FLT1: variants seen among roughly 807,000 people sequenced by gnomAD.
The protein encoded by FLT1 is vascular endothelial growth factor receptor 1.
In FLT1, 49 loss-of-function variants were observed where a neutral mutation model predicts 156.3. The observed-to-expected ratio is 0.31, with a 90% CI of 0.25 to 0.40. FLT1 has a LOEUF of 0.40. Ranked by LOEUF, FLT1 falls within the 10% of genes least tolerant of loss-of-function variation. The probability of loss-of-function intolerance (pLI) is 1.00; values close to 1 mark genes in which losing one functional copy is unlikely to be tolerated. For synonymous variants in FLT1, 594 were observed against 583.8 expected (o/e 1.02, Z -0.25); for missense variants, 1,322 against 1,637.2 (o/e 0.81, Z 3.32).
intron 3 of FLT1, among the ~76,000 whole-genome samples, chr13:28,465,326 C>T (rs1179827216): frequency 6.6e-6 from 1 of 152,142 alleles, no homozygotes. Flanking sequence ...TAGTCCCTTA[C>T]AGTTATCTAC....
intron 3 of FLT1, among the ~76,000 whole-genome samples, chr13:28,461,592 C>G (rs775276425): frequency 2.6e-5 from 4 of 151,940 alleles, no homozygotes; most frequent in Non-Finnish European, 4.4e-5. Flanking sequence ...CCAGCCTGGG[C>G]GACAAAGCAA....
At chr13:28,434,367 A>T in intron 4 of FLT1, 147 bp from the exon 5 acceptor site, 1 of 735,030 alleles carries the variant, frequency 1.4e-6, no homozygotes, top group Non-Finnish European at 2.2e-6. Flanking sequence ...TAGGTTAAAA[A>T]CTCTAGTTTG....
chr13:28,341,176 G>A (rs796470639), intron 16 of FLT1, among the ~76,000 whole-genome samples: 5 of 152,260 alleles, frequency 3.3e-5, no homozygotes, highest in African/African-American at 1.2e-4. Flanking sequence ...CTCCCACGTG[G>A]CACCTATGGA....
chr13:28,341,573 A>G (rs765212423), intron 16 of FLT1, among the ~76,000 whole-genome samples: 23 of 152,346 alleles, frequency 1.5e-4, no homozygotes, highest in Non-Finnish European at 2.8e-4. Context: ...GTAAGCCTCC[A>G]TAAATGTTGG....
intron 11 of FLT1, among the ~76,000 whole-genome samples, chr13:28,402,590 A>G (rs983876847): frequency 6.6e-6 from 1 of 152,008 alleles, no homozygotes; most frequent in African/African-American, 2.4e-5. Flanking sequence ...ATATAGAGAG[A>G]GAGACTTTGT....
intron 11 of FLT1, among the ~76,000 whole-genome samples, chr13:28,402,548 A>G (rs747451306): frequency 6.6e-6 from 1 of 151,590 alleles, no homozygotes; most frequent in Non-Finnish European, 1.5e-5. Context: ...TGGGATATGT[A>G]CCATATATAT....
At chr13:28,346,244 A>G in intron 15 of FLT1, 1 of 152,462 alleles carries the variant, frequency 6.6e-6, no homozygotes, top group Non-Finnish European at 1.5e-5. Flanking sequence ...CAGAGATCAA[A>G]AGCTGAGCAC....
chr13:28,461,774 AGTT>A (rs1190095951), intron 3 of FLT1, among the ~76,000 whole-genome samples: 1 of 152,160 alleles, frequency 6.6e-6, no homozygotes, highest in African/African-American at 2.4e-5. Context: ...AGAATATCTA[AGTT>A]GTTAGAAATT....
chr13:28,342,075 G>T (rs977757554), intron 16 of FLT1, among the ~76,000 whole-genome samples: 1 of 152,020 alleles, frequency 6.6e-6, no homozygotes, highest in South Asian at 2.1e-4. Context: ...TAGAGACAGG[G>T]TTTCACCATG....
rs150626221 is a variant in FLT1, at chr13:28,345,321, G to C, written c.2355+124C>G. 237 of 700,184 alleles carry C rather than the reference G, an allele frequency of 3.4e-4. 1 individual carries two copies. The African/African-American group carries it at 3.8e-3, about 11-fold the overall frequency. The allele number at this position is 700,184 out of a possible 1,614,324, so 43.4% of individuals were successfully genotyped here. A position where few individuals can be genotyped will look rare whatever the true frequency, so the allele number is the denominator to read the frequency against. On this transcript the variant is annotated intron_variant, in intron 16 of 29. Transcript: ENST00000282397. ...TTTTCTTTCTGTGTTCACCAGGTCA[G>C]AGATAGGAATGAGAGGGAAGGGAAA...
intron 12 of FLT1, among the ~76,000 whole-genome samples, chr13:28,392,141 T>C (rs1037005301): frequency 1.3e-5 from 2 of 152,198 alleles, no homozygotes; most frequent in Admixed American, 6.5e-5. Context: ...GGCTTTATTA[T>C]AAAGTGTCAC....
At chr13:28,470,841 C>T (rs1030725244) in intron 1 of FLT1, among the ~76,000 whole-genome samples, 18 of 152,134 alleles carry the variant, frequency 1.2e-4, no homozygotes, top group African/African-American at 2.2e-4. Context: ...CAGGCGCCTG[C>T]CACCACACCC....
intron 4 of FLT1, among the ~76,000 whole-genome samples, chr13:28,435,939 T>C (rs1428496248): frequency 6.6e-6 from 1 of 152,186 alleles, no homozygotes; most frequent in East Asian, 1.9e-4. Flanking sequence ...AAAATTTAAG[T>C]CAGGGACTGA....
intron 3 of FLT1, among the ~76,000 whole-genome samples, chr13:28,442,919 C>G (rs571267242): frequency 6.6e-6 from 1 of 152,184 alleles, no homozygotes; most frequent in East Asian, 1.9e-4. Flanking sequence ...TTACTACTCC[C>G]GTAGGACACA....
At chr13:28,490,464 TTC>T (rs1881410414) in intron 1 of FLT1, among the ~76,000 whole-genome samples, 1 of 152,206 alleles carries the variant, frequency 6.6e-6, no homozygotes, top group African/African-American at 2.4e-5. Flanking sequence ...GTCAGAGGCT[TTC>T]TTTTCAAGCC....
chr13:28,437,516 T>C (rs1180237551), intron 4 of FLT1, among the ~76,000 whole-genome samples: 17 of 152,184 alleles, frequency 1.1e-4, no homozygotes, highest in Non-Finnish European at 2.9e-5. Context: ...AGTTTTCCGT[T>C]TGGGGAGCTT....
chr13:28,376,183 G>A (rs1204600337), intron 14 of FLT1, among the ~76,000 whole-genome samples: 1 of 152,150 alleles, frequency 6.6e-6, no homozygotes, highest in Non-Finnish European at 1.5e-5. Context: ...GACATTTGGT[G>A]TCAGTGATAT....
intron 10 of FLT1, among the ~76,000 whole-genome samples, chr13:28,410,364 C>A (rs141888773): frequency 8.5e-5 from 13 of 152,264 alleles, no homozygotes; most frequent in South Asian, 2.1e-4. Context: ...AGGAAATGAT[C>A]GATTCTCTTG....
At position 28,357,592 on chromosome 13, in the gene FLT1, T is replaced by C; in HGVS notation, c.2210A>G (p.Lys737Arg). ...GTATGCTGAACTTTCCACAGAGCCC[T>C]TCTGGTTGGTGGCTTTGCAGTGATA... ...GVYHCKATNQ[K>R]GSVESSAYLT... is the part of the protein sequence containing the mutation. The change falls in exon 15 of 30, where the codon AAG (lysine) becomes AGG (arginine). Residue 737 changes from lysine to arginine, a missense_variant. Around this residue, in one of 3 missense-constraint regions of FLT1, gnomAD observed 991 missense variants for 1,254.8 expected, o/e 0.79. Coordinates refer to ENST00000282397, the MANE Select transcript of FLT1 (RefSeq NM_002019.4). 6.2e-7 allele frequency: 1 copy of C among 1,614,104 alleles called. No individual in the cohort carries two copies. The highest frequency in any genetic ancestry group is 8.5e-7 in the Non-Finnish European group (1 of 1,179,960).
Sources: gnomAD v4.1 joint callset for allele counts (sites outside exome capture counted in the v4.1 genomes callset) on GRCh38, gnomAD v4.1.1 for gene constraint, gnomAD v4.1.1 regional missense constraint, MANE v1.5 for transcripts, NCBI Gene and HGNC (gene_info 2026-07-23, HGNC 2026-07-21) for gene names.